The following FHOD3 variants were observed in gnomAD, a reference collection of about 807,000 sequenced individuals.
The protein encoded by FHOD3 is FH1/FH2 domain-containing protein 3.
Under a neutral mutation model 173.0 loss-of-function variants are expected in FHOD3, and 90 were observed. The ratio of observed to expected loss-of-function variants is 0.52; its 90% CI spans 0.44 to 0.62. The LOEUF (loss-of-function observed/expected upper bound fraction) is 0.62. Ranked by LOEUF, FHOD3 falls within the 20% of genes least tolerant of loss-of-function variation. FHOD3 has a pLI of 0.00. For missense variants in FHOD3, 1,945 were observed against 2,034.7 expected (o/e 0.96, Z 0.85); for synonymous variants, 828 against 823.0 (o/e 1.01, Z -0.10).
chr18:36,601,586 T>G (rs2031387883), intron 7 of FHOD3, among the ~76,000 whole-genome samples: 1 of 152,138 alleles, frequency 6.6e-6, no homozygotes, highest in African/African-American at 2.4e-5. Flanking sequence ...TTGGGAAACT[T>G]TTGTTCTCAA....
chr18:36,656,130 C>T (rs940319861), intron 13 of FHOD3, among the ~76,000 whole-genome samples: 11 of 151,942 alleles, frequency 7.2e-5, no homozygotes, highest in Admixed American at 2.6e-4. Context: ...GGGGCAGCCT[C>T]CTTCCCCTCC....
intron 5 of FHOD3, among the ~76,000 whole-genome samples, chr18:36,547,271 C>T (rs3947413): frequency 0.39 from 58,960 of 152,108 alleles, 11,568 homozygotes; most frequent in East Asian, 0.46. Context: ...TGGAAAGTTT[C>T]TCCTTCCCAT....
At chr18:36,603,934 G>A (rs757508394) in intron 8 of FHOD3, among the ~76,000 whole-genome samples, 1 of 152,162 alleles carries the variant, frequency 6.6e-6, no homozygotes, top group Non-Finnish European at 1.5e-5. Context: ...TGGACTCTTG[G>A]GCTGAGATAA....
At chr18:36,655,770 CACAA>C (rs370022483) in intron 13 of FHOD3, among the ~76,000 whole-genome samples, 3,127 of 138,956 alleles carry the variant, frequency 0.023, 110 homozygotes, top group African/African-American at 0.079. Flanking sequence ...CACACACACA[CACAA>C]AAATGCTGAA....
chr18:36,512,676 CA>C, intron 5 of FHOD3, 133 bp downstream of exon 5: 3 of 602,738 alleles, frequency 5.0e-6, no homozygotes, highest in South Asian at 1.9e-5. Context: ...CACCCTTTGG[CA>C]AAAAAACATC....
At chr18:36,341,370 G>T (rs2045610199) in intron 1 of FHOD3, among the ~76,000 whole-genome samples, 1 of 152,150 alleles carries the variant, frequency 6.6e-6, no homozygotes, top group East Asian at 1.9e-4. Context: ...AAAAACATTT[G>T]TTTGAAGGCT....
chr18:36,776,343 C>G (rs1457077531), intron 28 of FHOD3, among the ~76,000 whole-genome samples: 2 of 152,146 alleles, frequency 1.3e-5, no homozygotes, highest in Non-Finnish European at 2.9e-5. Flanking sequence ...TGTACATGTA[C>G]ATGATGTTTG....
chr18:36,416,252 C>G (rs984344426), intron 3 of FHOD3, among the ~76,000 whole-genome samples: 1 of 152,212 alleles, frequency 6.6e-6, no homozygotes, highest in African/African-American at 2.4e-5. Context: ...CCAGGATAGT[C>G]TCGATCTCTT....
chr18:36,516,244 G>A (rs1345297147), intron 5 of FHOD3, among the ~76,000 whole-genome samples: 1 of 152,046 alleles, frequency 6.6e-6, no homozygotes, highest in Non-Finnish European at 1.5e-5. Context: ...ACTGGTGAGG[G>A]CAGATGCAGA....
At chr18:36,698,944 T>C (rs2039431224) in intron 17 of FHOD3, among the ~76,000 whole-genome samples, 2 of 152,188 alleles carry the variant, frequency 1.3e-5, no homozygotes, top group South Asian at 4.1e-4. Flanking sequence ...TCTTTTATAA[T>C]GGGCGGTAAA....
chr18:36,704,798 C>T (rs1052094175), intron 17 of FHOD3, among the ~76,000 whole-genome samples: 9 of 152,172 alleles, frequency 5.9e-5, no homozygotes, highest in African/African-American at 2.2e-4. Context: ...TCAAAGGGAG[C>T]CAGCAGCCCT....
At chr18:36,397,668 A>G (rs1172975279) in intron 3 of FHOD3, among the ~76,000 whole-genome samples, 5 of 152,210 alleles carry the variant, frequency 3.3e-5, no homozygotes, top group Non-Finnish European at 7.3e-5. Flanking sequence ...TTTCCTAAAA[A>G]TGGTTACTTA....
At chr18:36,410,999 GTT>G (rs1251198351) in intron 3 of FHOD3, among the ~76,000 whole-genome samples, 2 of 152,014 alleles carry the variant, frequency 1.3e-5, no homozygotes, top group African/African-American at 4.8e-5. Flanking sequence ...TAAACAGAAA[GTT>G]TTTAATTTTG....
intron 10 of FHOD3, among the ~76,000 whole-genome samples, chr18:36,644,832 T>G (rs559082605): frequency 2.6e-5 from 4 of 152,324 alleles, no homozygotes; most frequent in African/African-American, 9.6e-5. Flanking sequence ...GTGGTGACTC[T>G]GAAGACCAGA....
intron 14 of FHOD3, among the ~76,000 whole-genome samples, chr18:36,665,657 A>C (rs2037132774): frequency 6.6e-6 from 1 of 152,198 alleles, no homozygotes; most frequent in Admixed American, 6.5e-5. Flanking sequence ...GGGTTTTGCA[A>C]ATCTGGGAAA....
At chr18:36,580,415 A>G (rs1442105286) in intron 6 of FHOD3, among the ~76,000 whole-genome samples, 1 of 152,212 alleles carries the variant, frequency 6.6e-6, no homozygotes, top group African/African-American at 2.4e-5. Flanking sequence ...GAGTGGAGCC[A>G]AGAGTCAGCC....
chr18:36,386,181 A>G (rs2048024803), intron 3 of FHOD3, among the ~76,000 whole-genome samples: 1 of 152,188 alleles, frequency 6.6e-6, no homozygotes. Flanking sequence ...ATGGCAATAC[A>G]TTTCTCAGAT....
rs575477560 is a variant in FHOD3, at chr18:36,552,450, A to G, written c.512-24001A>G. 3.3e-5 allele frequency among the ~76,000 whole-genome samples: 5 copies of G among 152,020 alleles called. No individual in the cohort carries two copies. In the South Asian group the frequency reaches 1.0e-3, roughly 32 times the overall value. On this transcript the variant is annotated intron_variant, in intron 5 of 28. Coordinates refer to ENST00000590592, the MANE Select transcript of FHOD3 (RefSeq NM_001281740.3). ...AATCATGTCATCTGCAAACAGGGAC[A>G]ATTTGACTTCCTCTTTTCCTAATTG...
At chr18:36,299,044 A>G (rs1293120913) in intron 1 of FHOD3, among the ~76,000 whole-genome samples, 4 of 135,096 alleles carry the variant, frequency 3.0e-5, no homozygotes, top group Admixed American at 7.6e-5. Flanking sequence ...CAAAAGAACA[A>G]AATTGATTTA....
Sources: allele counts gnomAD v4.1 joint callset (sites outside exome capture counted in the v4.1 genomes callset), GRCh38; gene constraint gnomAD v4.1.1; transcripts MANE v1.5; gene names NCBI Gene and HGNC (gene_info 2026-07-23, HGNC 2026-07-21).